DAB1: variants seen among roughly 807,000 people sequenced by gnomAD.
The protein encoded by DAB1 is DAB adaptor protein 1.
Under a neutral mutation model 64.6 loss-of-function variants are expected in DAB1, and 15 were observed. The ratio of observed to expected loss-of-function variants is 0.23; its 90% confidence interval spans 0.16 to 0.36. DAB1 has a LOEUF of 0.36. Among genes scored for constraint, DAB1 ranks in the 10% least tolerant of loss-of-function variants. The pLI, the probability that DAB1 is intolerant of heterozygous loss-of-function variation, is 1.00. For synonymous variants in DAB1, 235 were observed against 251.9 expected (o/e 0.93, Z 0.64); for missense variants, 596 against 706.7 (o/e 0.84, Z 1.78).
chr1:57,717,831 A>C (rs1490257213), intron 6 of DAB1, among the ~76,000 whole-genome samples: 3 of 152,156 alleles, frequency 2.0e-5, no homozygotes, highest in Non-Finnish European at 4.4e-5. Flanking sequence ...ATGAACCTGG[A>C]GGACATTATG....
intron 7 of DAB1, among the ~76,000 whole-genome samples, chr1:57,451,115 T>C (rs1177328769): frequency 3.3e-5 from 5 of 152,004 alleles, no homozygotes; most frequent in Non-Finnish European, 7.3e-5. Flanking sequence ...TTCCTTGCCC[T>C]GGATGGGCCA....
chr1:58,407,825 C>G (rs2100569364), intron 3 of DAB1, among the ~76,000 whole-genome samples: 1 of 152,336 alleles, frequency 6.6e-6, no homozygotes, highest in East Asian at 1.9e-4. Flanking sequence ...TTTTAAAAAT[C>G]AAGTCACTTT....
chr1:57,846,818 C>T (rs113620102), intron 1 of DAB1, among the ~76,000 whole-genome samples: 4,700 of 152,284 alleles, frequency 0.031, 231 homozygotes, highest in African/African-American at 0.11. Flanking sequence ...CGTGCACGTG[C>T]GTGCACACAC....
chr1:57,615,033 C>T (rs982867941), intron 7 of DAB1, among the ~76,000 whole-genome samples: 6 of 151,900 alleles, frequency 3.9e-5, no homozygotes, highest in Admixed American at 2.6e-4. Context: ...CCGCGCCTGG[C>T]TAATTTTTTT....
At chr1:57,815,132 C>T (rs1000465431) in intron 6 of DAB1, among the ~76,000 whole-genome samples, 2 of 151,710 alleles carry the variant, frequency 1.3e-5, no homozygotes, top group South Asian at 2.1e-4. Context: ...TGTGCAGTGG[C>T]GTGATCTCAG....
chr1:57,062,396 C>CAGA (rs752127048), intron 9 of DAB1, among the ~76,000 whole-genome samples: 2 of 152,204 alleles, frequency 1.3e-5, no homozygotes, highest in Admixed American at 6.5e-5. Flanking sequence ...CTTTCCACAA[C>CAGA]AGAAACACTA....
intron 1 of DAB1, among the ~76,000 whole-genome samples, chr1:57,837,736 C>T (rs1652868123): frequency 6.6e-6 from 1 of 152,132 alleles, no homozygotes; most frequent in South Asian, 2.1e-4. Flanking sequence ...GCATTTAATA[C>T]TTGAGCAGTC....
intron 4 of DAB1, among the ~76,000 whole-genome samples, chr1:58,342,441 T>G (rs1643950416): frequency 6.6e-6 from 1 of 152,194 alleles, no homozygotes; most frequent in African/African-American, 2.4e-5. Flanking sequence ...CTAATGAGAA[T>G]GTGGATAAAT....
chr1:57,898,336 T>C (rs72666150), intron 5 of DAB1, among the ~76,000 whole-genome samples: 59 of 152,346 alleles, frequency 3.9e-4, no homozygotes, highest in Non-Finnish European at 7.3e-4. Flanking sequence ...CATATTTCTT[T>C]ACATTTGCAA....
At chr1:57,386,959 G>A (rs1681919582) in intron 1 of DAB1, 1 of 149,816 alleles carries the variant, frequency 6.7e-6, no homozygotes, top group African/African-American at 2.5e-5. Flanking sequence ...TTCCCATGGT[G>A]GGGAACCACA....
chr1:58,081,608 A>G (rs1218333884), intron 5 of DAB1, among the ~76,000 whole-genome samples: 1 of 152,262 alleles, frequency 6.6e-6, no homozygotes, highest in Non-Finnish European at 1.5e-5. Context: ...TGGGCCAGAA[A>G]TCATGCTCCT....
At chr1:58,154,492 T>C (rs766496295) in intron 4 of DAB1, among the ~76,000 whole-genome samples, 2 of 151,112 alleles carry the variant, frequency 1.3e-5, no homozygotes, top group African/African-American at 4.9e-5. Flanking sequence ...TCATTAGCAA[T>C]GTGCTAGGAA....
chr1:57,985,133 C>G lies in DAB1; in HGVS notation n.388-100971G>C, dbSNP rs564352966. ...AGTTTGACCAGGCTGATCTCAAACT[C>G]CTGACCTCAAGTAATCCACCCGCCT... On this transcript the variant is annotated intron_variant and non_coding_transcript_variant, in intron 5 of 20. Transcript: ENST00000485760. Among the ~76,000 whole-genome samples the G allele has an allele frequency of 1.3e-4, 20 of 152,288 alleles. No individual in the cohort carries two copies. In the South Asian group the frequency reaches 4.1e-3, roughly 32 times the overall value.
At chr1:57,746,820 T>C (rs771978229) in intron 6 of DAB1, among the ~76,000 whole-genome samples, 2 of 152,200 alleles carry the variant, frequency 1.3e-5, no homozygotes, top group Non-Finnish European at 2.9e-5. Context: ...CTGTGATTGG[T>C]TGAACCCATG....
At chr1:57,885,224 A>T (rs1052311645), upstream of DAB1, among the ~76,000 whole-genome samples, 3 of 152,232 alleles carry the variant, frequency 2.0e-5, no homozygotes, top group Admixed American at 6.5e-5. Flanking sequence ...TATATATACT[A>T]ATCCATTTAT....
rs542717256 is a variant in DAB1, at chr1:57,655,997, G to A, written n.552-6332C>T. Among the ~76,000 whole-genome samples, 166 of 152,290 alleles carry A rather than the reference G, an allele frequency of 1.1e-3. 1 individual carries two copies. Among genetic ancestry groups the A allele is most frequent in the African/African-American group, 3.8e-3 (157 of 41,570 alleles). On this transcript the variant is annotated intron_variant and non_coding_transcript_variant, in intron 6 of 20. Coordinates refer to the DAB1 transcript ENST00000485760. ...ATACTGAAATTGGAACCCCCAATAT[G>A]ACGGTCTTAGGAGGTGGGGACTTTA...
intron 2 of DAB1, among the ~76,000 whole-genome samples, chr1:57,287,011 A>G (rs768843730): frequency 6.6e-6 from 1 of 152,354 alleles, no homozygotes; most frequent in Non-Finnish European, 1.5e-5. Flanking sequence ...CAACATGCAA[A>G]TTTAGAATTT....
At chr1:57,932,489 T>TG (rs1644967604) in intron 5 of DAB1, among the ~76,000 whole-genome samples, 1 of 150,294 alleles carries the variant, frequency 6.7e-6, no homozygotes, top group African/African-American at 2.5e-5. Flanking sequence ...TTTTTTGTAT[T>TG]TTTAGTAGAG....
At chr1:58,181,541 T>C (rs1003304065) in intron 4 of DAB1, among the ~76,000 whole-genome samples, 3 of 152,250 alleles carry the variant, frequency 2.0e-5, no homozygotes, top group East Asian at 1.9e-4. Context: ...CTGTGTAAGA[T>C]AGATATTTTC....
Sources: gnomAD v4.1 joint callset for allele counts (sites outside exome capture counted in the v4.1 genomes callset) on GRCh38, gnomAD v4.1.1 for gene constraint, MANE v1.5 for transcripts, NCBI Gene and HGNC (gene_info 2026-07-23, HGNC 2026-07-21) for gene names.